ZYG11B: variants seen among roughly 807,000 people sequenced by gnomAD.
ZYG11B encodes the protein zyg-11 family member B, cell cycle regulator.
A neutral mutation model predicts 82.4 loss-of-function variants in ZYG11B; 36 were observed. That is an observed-to-expected ratio of 0.44 (90% CI 0.33 to 0.58). ZYG11B has a LOEUF of 0.58. Among genes scored for constraint, ZYG11B ranks in the 20% least tolerant of loss-of-function variants. ZYG11B has a pLI of 0.02. For synonymous variants in ZYG11B, 303 were observed against 312.8 expected, an observed-to-expected ratio of 0.97 and a Z score of 0.33; for missense variants, 552 against 895.6, an observed-to-expected ratio of 0.62 and a Z score of 4.90.
rs202177836 is a variant in ZYG11B at position 52,803,249 on chromosome 1, CATATATATATATATAT to C, written c.1695+1112_1695+1127del. Among the ~76,000 whole-genome samples the C allele has an allele frequency of 8.7e-3, 385 of 44,376 alleles. 18 individuals carry two copies. Among genetic ancestry groups the C allele is most frequent in the East Asian group, 0.025 (11 of 442 alleles). 29.1% of individuals were successfully genotyped at this position (44,376 alleles called of 152,430 possible). The stretch of plus-strand genomic sequence containing the variant: ...ACACACATATATATATACACACACA[CATATATATATATATAT>C]ACACACACACACACATATATATATA... On this transcript the variant is annotated intron_variant, in intron 10 of 13. Transcript: ENST00000294353.
chr1:52,751,102 C>T (rs1399564503), intron 1 of ZYG11B, among the ~76,000 whole-genome samples: 1 of 151,996 alleles, frequency 6.6e-6, no homozygotes, highest in African/African-American at 2.4e-5. Flanking sequence ...CACTTCAGCT[C>T]CTGAGTAACT....
At chr1:52,787,008 T>A (rs1381457316) in intron 5 of ZYG11B, among the ~76,000 whole-genome samples, 1 of 152,014 alleles carries the variant, frequency 6.6e-6, no homozygotes, top group Non-Finnish European at 1.5e-5. Context: ...GAGAATCGCT[T>A]GAACCCGGGA....
At chr1:52,758,116 T>C (rs1644595241) in intron 2 of ZYG11B, among the ~76,000 whole-genome samples, 1 of 150,850 alleles carries the variant, frequency 6.6e-6, no homozygotes, top group Non-Finnish European at 1.5e-5. Flanking sequence ...GGAGAATCGC[T>C]TGAATCCAGG....
intron 8 of ZYG11B, 41 bp downstream of exon 8, chr1:52,796,825 A>G (rs758490111): frequency 1.5e-6 from 2 of 1,298,990 alleles, no homozygotes; most frequent in Non-Finnish European, 2.0e-6. Context: ...CTAGATATTC[A>G]TGTTTATTGT....
intron 1 of ZYG11B, among the ~76,000 whole-genome samples, chr1:52,741,298 CAAAAAAAAAA>C (rs770092920): frequency 1.4e-5 from 1 of 72,222 alleles, no homozygotes; most frequent in Non-Finnish European, 2.7e-5. Context: ...GACTTCGTCT[CAAAAAAAAAA>C]AAAAAAAAAA....
intron 8 of ZYG11B, among the ~76,000 whole-genome samples, 182 bp downstream of exon 8, chr1:52,796,966 T>TA (rs1305527838): frequency 1.2e-5 from 1 of 80,580 alleles, no homozygotes; most frequent in South Asian, 3.2e-4. Context: ...ATATTATATA[T>TA]AATATATATA....
At chr1:52,819,130 C>G (rs1645259217) in intron 13 of ZYG11B, among the ~76,000 whole-genome samples, 1 of 152,210 alleles carries the variant, frequency 6.6e-6, no homozygotes, top group South Asian at 2.1e-4. Context: ...AAAGGCAATG[C>G]AGTAAAAGCT....
chr1:52,791,430 G>A (rs1009599137), intron 6 of ZYG11B, among the ~76,000 whole-genome samples: 5 of 151,642 alleles, frequency 3.3e-5, no homozygotes, highest in Admixed American at 6.6e-5. Context: ...GTGCAATGGC[G>A]TGATCTCGGC....
intron 1 of ZYG11B, among the ~76,000 whole-genome samples, chr1:52,729,011 C>T (rs1644307760): frequency 6.6e-6 from 1 of 152,146 alleles, no homozygotes; most frequent in Non-Finnish European, 1.5e-5. Context: ...ATTCAATCTA[C>T]TGTAACAAAA....
intron 1 of ZYG11B, among the ~76,000 whole-genome samples, chr1:52,730,455 T>G (rs1365398859): frequency 1.3e-5 from 2 of 152,116 alleles, no homozygotes; most frequent in Non-Finnish European, 2.9e-5. Context: ...GCCTCCCAAG[T>G]AAAGCTAGGA....
intron 1 of ZYG11B, among the ~76,000 whole-genome samples, chr1:52,738,606 C>CTT (rs11390068): frequency 4.9e-4 from 69 of 140,814 alleles, no homozygotes; most frequent in African/African-American, 1.3e-3. Context: ...TTTCTAAGGA[C>CTT]TTTTTTTTTT....
chr1:52,793,227 C>T (rs939337110), intron 6 of ZYG11B, among the ~76,000 whole-genome samples: 1 of 152,008 alleles, frequency 6.6e-6, no homozygotes, highest in African/African-American at 2.4e-5. Context: ...AAAGTTAGGC[C>T]AGGCGCAGTG....
intron 1 of ZYG11B, among the ~76,000 whole-genome samples, chr1:52,751,733 G>C (rs1644526170): frequency 6.6e-6 from 1 of 152,114 alleles, no homozygotes; most frequent in African/African-American, 2.4e-5. Flanking sequence ...AAGAGTTTTT[G>C]TATGCTAATG....
chr1:52,808,102 C>T (rs112428227), intron 10 of ZYG11B, among the ~76,000 whole-genome samples: 5,660 of 152,200 alleles, frequency 0.037, 327 homozygotes, highest in African/African-American at 0.13. Flanking sequence ...GTGGCTCACG[C>T]GTGGAATCCC....
chr1:52,787,635 G>A (rs998344676), intron 5 of ZYG11B, among the ~76,000 whole-genome samples: 4 of 152,168 alleles, frequency 2.6e-5, no homozygotes, highest in Admixed American at 1.3e-4. Context: ...TTGTTAGTAA[G>A]GCAGAATCTC....
In ZYG11B at chr1:52,785,042, A is replaced by C; in HGVS notation, c.1258A>C (p.Asn420His). 6.2e-7 allele frequency: 1 copy of C among 1,612,934 alleles called. No individual in the cohort carries two copies. Among genetic ancestry groups the C allele is most frequent in the East Asian group, 2.2e-5 (1 of 44,868 alleles). Residue 420 changes from asparagine (N) to histidine (H), a missense_variant, in exon 5 of 14, where the codon AAT becomes CAT. By Grantham distance (68) the Asn-to-His change is moderately conservative. Around this residue, in one of 3 missense-constraint regions of ZYG11B, gnomAD observed 359 missense variants for 555.8 expected, o/e 0.65. Transcript: ENST00000294353. ...LLLKAMEHFPNHQQLQKNCLL... is the reference protein window; with the variant it reads ...LLLKAMEHFPHHQQLQKNCLL... The stretch of plus-strand genomic sequence containing the variant: ...GCTCAAAGCCATGGAACATTTTCCC[A>C]ATCACCAGCAGGTAAGCTTATGTGA...
chr1:52,770,092 A>ATTTTTTTTT (rs33953020), intron 2 of ZYG11B, among the ~76,000 whole-genome samples: 1 of 94,470 alleles, frequency 1.1e-5, no homozygotes, highest in Non-Finnish European at 1.9e-5. Flanking sequence ...ATATATATAT[A>ATTTTTTTTT]TTTTTTTTTT....
chr1:52,803,303 T>C (rs1318484096), intron 10 of ZYG11B, among the ~76,000 whole-genome samples: 1 of 122,638 alleles, frequency 8.2e-6, no homozygotes, highest in Non-Finnish European at 1.7e-5. Context: ...TATATACACA[T>C]ATATATACAT....
chr1:52,821,867 A>G lies in ZYG11B; in HGVS notation c.*238A>G, dbSNP rs890867480. On this transcript the variant is annotated 3_prime_UTR_variant, in exon 14 of 14. Transcript: ENST00000294353. ...CATTGCCTTTTAGGAAATTTTCCAC[A>G]TCTTTCAGTGTTTGAACTTACTTGT... The G allele has an allele frequency of 2.4e-5, 9 of 373,154 alleles. No individual in the cohort carries two copies. The highest frequency in any genetic ancestry group is 3.8e-5 in the Non-Finnish European group (8 of 209,466). 23.1% of individuals were successfully genotyped at this position (373,154 alleles called of 1,614,324 possible).
Sources: allele counts gnomAD v4.1 joint callset (sites outside exome capture counted in the v4.1 genomes callset), GRCh38; gene constraint gnomAD v4.1.1; regional missense constraint gnomAD v4.1.1; transcripts MANE v1.5; gene names NCBI Gene and HGNC (gene_info 2026-07-23, HGNC 2026-07-21).